Variants in DLEC1 observed in about 807,000 individuals in gnomAD.
DLEC1 encodes the protein deleted in lung and esophageal cancer protein 1.
Under a neutral mutation model 198.1 loss-of-function variants are expected in DLEC1, and 146 were observed. The ratio of observed to expected loss-of-function variants is 0.74; its 90% CI spans 0.64 to 0.85. DLEC1 has a LOEUF of 0.85. Among genes scored for constraint, DLEC1 ranks in the 40% least tolerant of loss-of-function variants. The probability of loss-of-function intolerance (pLI) is 0.00; values close to 1 mark genes in which losing one functional copy is unlikely to be tolerated. For missense variants in DLEC1, 2,233 were observed against 2,220.0 expected (o/e 1.01, Z -0.12); for synonymous variants, 897 against 866.8 (o/e 1.03, Z -0.61).
In DLEC1 at chr3:38,117,189, T is replaced by C. The variant is rs200587949; in HGVS notation, c.4306-19T>C. The C allele has an allele frequency of 4.0e-5, 64 of 1,614,102 alleles. No individual in the cohort carries two copies. The East Asian group carries it at 1.4e-3, about 34-fold the overall frequency. ...TACTCAGCCCAGGGATCAGCTGTGA[T>C]CAGACTTGGGCTCAGTAGGTGGAAA... is the stretch of plus-strand genomic sequence containing the variant. On this transcript the variant is annotated intron_variant, in intron 30 of 36. Coordinates refer to ENST00000308059, the MANE Select transcript of DLEC1 (RefSeq NM_007335.4).
chr3:38,118,871 C>T (rs550224385), intron 33 of DLEC1, among the ~76,000 whole-genome samples: 17 of 152,276 alleles, frequency 1.1e-4, no homozygotes, highest in African/African-American at 3.6e-4. Flanking sequence ...AATGTATACT[C>T]CACTGTGTAG....
In DLEC1 at chr3:38,122,357, G is replaced by A. The variant is rs887127240; in HGVS notation, c.5213G>A (p.Arg1738Gln). The A allele has an allele frequency of 2.5e-6, 4 of 1,614,042 alleles. No individual in the cohort carries two copies. The highest frequency in any genetic ancestry group is 1.7e-5 in the Admixed American group (1 of 60,008). Residue 1738 changes from arginine (R) to glutamine (Q), a missense_variant, in exon 37 of 37, where the codon CGG becomes CAG. Physicochemically the swap from Arg to Gln is conservative, Grantham distance 43. Transcript: ENST00000308059. ...CTCGGTGAGAAGTCCTGCACCCTGC[G>A]GCTCCGGGGCCAAGGCTCCTATGAT... The part of the protein sequence containing the change: ...GVLGEKSCTL[R>Q]LRGQGSYDER...
In DLEC1 at chr3:38,097,726, G is replaced by A; in HGVS notation, c.2566-18G>A. On this transcript the variant is annotated intron_variant, in intron 17 of 36. Coordinates refer to ENST00000308059, the MANE Select transcript of DLEC1 (RefSeq NM_007335.4). Reference sequence around the variant, plus strand: ...CCATCCCCAGGTGGCCCAGTGACAGGCCCTCTGGGTGTCTCAGGGGCCTGC... The same window carrying A: ...CCATCCCCAGGTGGCCCAGTGACAGACCCTCTGGGTGTCTCAGGGGCCTGC... 6.2e-7 allele frequency: 1 copy of A among 1,613,690 alleles called. No individual in the cohort carries two copies. The highest frequency in any genetic ancestry group is 8.5e-7 in the Non-Finnish European group (1 of 1,179,616).
chr3:38,073,705 G>A (rs2125639495), intron 6 of DLEC1, among the ~76,000 whole-genome samples: 1 of 152,338 alleles, frequency 6.6e-6, no homozygotes, highest in East Asian at 1.9e-4. Flanking sequence ...TGGCACCAGA[G>A]TGGGGGAGTT....
Position 38,110,243 on chromosome 3 carries a change from C to T in DLEC1, c.3405C>T (p.Phe1135=), listed in dbSNP as rs745851171. The part of the protein sequence containing the change: ...RTRFSLKFEY[F]GSPQNSLSKK... ...GTTTCTCCCTCAAGTTTGAGTATTTCGGGAGCCCCCAAAACAGCCTGAGCA... is the reference window on the plus strand; with the variant it reads ...GTTTCTCCCTCAAGTTTGAGTATTTTGGGAGCCCCCAAAACAGCCTGAGCA... Residue 1135 remains phenylalanine (F), a synonymous_variant, in exon 23 of 37, where the codon TTC becomes TTT. Transcript: ENST00000308059. The T allele has an allele frequency of 2.9e-5, 47 of 1,614,006 alleles. No individual in the cohort carries two copies. Among genetic ancestry groups the T allele is most frequent in the African/African-American group, 1.1e-4 (8 of 74,922 alleles).
chr3:38,105,126 C>A (rs1239318921), intron 19 of DLEC1, among the ~76,000 whole-genome samples: 1 of 151,892 alleles, frequency 6.6e-6, no homozygotes. Context: ...TTGTTGATTT[C>A]TAATTTGATT....
chr3:38,088,249 C>A, intron 9 of DLEC1, 47 bp from the exon 10 acceptor site: 1 of 1,537,702 alleles, frequency 6.5e-7, no homozygotes, highest in Non-Finnish European at 9.0e-7. Context: ...TGAATACTGG[C>A]TTTTACAATG....
rs193282675 is a variant in DLEC1 at position 38,097,833 on chromosome 3, C to T, written c.2655C>T (p.Asn885=). ...QKATNSIQIR[N]VSQLPATWRM... ...CCACAAACTCCATCCAGATCCGGAACGTCAGCCAGCTCCCAGCCACATGGC... is the reference window on the plus strand; with the variant it reads ...CCACAAACTCCATCCAGATCCGGAATGTCAGCCAGCTCCCAGCCACATGGC... Residue 885 remains asparagine (N), a synonymous_variant, in exon 18 of 37, where the codon AAC becomes AAT. Coordinates refer to ENST00000308059, the MANE Select transcript of DLEC1 (RefSeq NM_007335.4). 2.9e-3 allele frequency: 4,657 copies of T among 1,614,232 alleles called. 8 individuals are homozygous for T. The highest frequency in any genetic ancestry group is 3.6e-3 in the Admixed American group (218 of 60,024).
chr3:38,055,393 G>C (rs1696303885), intron 2 of DLEC1, among the ~76,000 whole-genome samples: 2 of 152,214 alleles, frequency 1.3e-5, no homozygotes, highest in African/African-American at 2.4e-5. Flanking sequence ...AAATTACAGA[G>C]AGCAGATGCT....
At chr3:38,117,771 T>C (rs893806262) in intron 32 of DLEC1, 35 bp from the exon 33 acceptor site, 1 of 1,603,046 alleles carries the variant, frequency 6.2e-7, no homozygotes, top group Non-Finnish European at 8.5e-7. Context: ...AGAGACAAGA[T>C]GCATTCCCTG....
intron 18 of DLEC1, among the ~76,000 whole-genome samples, chr3:38,099,214 CA>C (rs2125702132): frequency 6.6e-6 from 1 of 152,188 alleles, no homozygotes; most frequent in East Asian, 1.9e-4. Context: ...TGGGATTTTC[CA>C]GAGCACAGTT....
intron 34 of DLEC1, among the ~76,000 whole-genome samples, chr3:38,121,338 C>A: frequency 6.6e-6 from 1 of 152,230 alleles, no homozygotes; most frequent in South Asian, 2.1e-4. Flanking sequence ...ACAGGAGGAG[C>A]AGTGAAGGAG....
intron 19 of DLEC1, among the ~76,000 whole-genome samples, chr3:38,101,659 C>T (rs1462771179): frequency 6.6e-6 from 1 of 152,150 alleles, no homozygotes; most frequent in Non-Finnish European, 1.5e-5. Context: ...CTTCTGCCTA[C>T]AGTGTGTGAG....
chr3:38,114,230 T>C, intron 25 of DLEC1, 112 bp from the exon 26 acceptor site: 1 of 896,294 alleles, frequency 1.1e-6, no homozygotes, highest in African/African-American at 1.6e-5. Context: ...ACAGTGAGGC[T>C]GGGACCAAAC....
At chr3:38,061,424 G>T (rs755756006) in intron 3 of DLEC1, among the ~76,000 whole-genome samples, 1 of 151,834 alleles carries the variant, frequency 6.6e-6, no homozygotes, top group South Asian at 2.1e-4. Flanking sequence ...CAAGTGATCC[G>T]CCGGCCTCAG....
intron 20 of DLEC1, 82 bp from the exon 21 acceptor site, chr3:38,108,323 C>T: frequency 8.7e-7 from 1 of 1,143,550 alleles, no homozygotes; most frequent in Middle Eastern, 2.2e-4. Flanking sequence ...GCATTGCATG[C>T]AGCAGTGCTG....
At chr3:38,084,336 G>A in intron 7 of DLEC1, 91 bp downstream of exon 7, 1 of 1,103,536 alleles carries the variant, frequency 9.1e-7, no homozygotes, top group Non-Finnish European at 1.3e-6. Context: ...AGTAATGGTA[G>A]CAATGATAGT....
chr3:38,121,486 GGC>G (rs1700456237), intron 34 of DLEC1, 140 bp from the exon 35 acceptor site: 2 of 1,001,188 alleles, frequency 2.0e-6, no homozygotes, highest in Non-Finnish European at 2.9e-6. Flanking sequence ...CTTTTAAGGT[GGC>G]GCTGGTCCCC....
rs147201601 is a variant in DLEC1 at position 38,052,083 on chromosome 3, A to C, written c.562+6390A>C. On this transcript the variant is annotated intron_variant, in intron 2 of 36. Transcript: ENST00000308059. The stretch of plus-strand genomic sequence containing the variant: ...AATGTGCTTGTCTACAGTAGTAGCA[A>C]AGGAACCATTGACTAAGCAGCATGG... 53 of 285,236 alleles carry C rather than the reference A, an allele frequency of 1.9e-4. 2 individuals carry two copies. In the East Asian group the frequency reaches 3.5e-3, roughly 19 times the overall value. The allele number at this position is 285,236 out of a possible 1,614,324, so 17.7% of individuals were successfully genotyped here.
Sources: allele counts gnomAD v4.1 joint callset (sites outside exome capture counted in the v4.1 genomes callset), GRCh38; gene constraint gnomAD v4.1.1; transcripts MANE v1.5; gene names NCBI Gene and HGNC (gene_info 2026-07-23, HGNC 2026-07-21).